Variants in ICE2 observed in about 807,000 individuals in gnomAD.
ICE2 encodes the protein little elongation complex subunit 2.
Under a neutral mutation model 105.4 loss-of-function variants are expected in ICE2, and 87 were observed. That is an observed-to-expected ratio of 0.83 (90% confidence interval 0.69 to 0.99). The LOEUF (loss-of-function observed/expected upper bound fraction) is 0.99. ICE2 is among the 50% of genes least tolerant of loss of function. The pLI is 0.00. For missense variants in ICE2, 1,323 were observed against 1,146.7 expected (o/e 1.15, Z -2.22); for synonymous variants, 399 against 392.0 (o/e 1.02, Z -0.21).
At chr15:60,453,012 C>G in intron 9 of ICE2, 1 of 937,472 alleles carries the variant, frequency 1.1e-6, no homozygotes, top group Non-Finnish European at 1.3e-6. Context: ...GGGTGGATCA[C>G]CTGAAGTCAG....
intron 9 of ICE2, among the ~76,000 whole-genome samples, chr15:60,450,616 TA>T (rs2063943097): frequency 6.6e-6 from 1 of 152,196 alleles, no homozygotes; most frequent in African/African-American, 2.4e-5. Context: ...CCACTAGCCT[TA>T]CAGTTGAGGA....
intron 5 of ICE2, among the ~76,000 whole-genome samples, chr15:60,466,148 G>C (rs1427432792): frequency 6.6e-6 from 1 of 152,180 alleles, no homozygotes; most frequent in Non-Finnish European, 1.5e-5. Flanking sequence ...AAATTTGCAT[G>C]AATGAGTGAA....
intron 5 of ICE2, among the ~76,000 whole-genome samples, chr15:60,458,003 A>C (rs1005604565): frequency 8.5e-5 from 13 of 152,196 alleles, no homozygotes; most frequent in Admixed American, 5.2e-4. Context: ...TTGGCACATC[A>C]TTCCTGGTAA....
At chr15:60,441,898 A>C (rs2063728005) in intron 12 of ICE2, 1 of 152,264 alleles carries the variant, frequency 6.6e-6, no homozygotes, top group Non-Finnish European at 1.5e-5. Context: ...ATTATAAGAA[A>C]ATTTCAAAAT....
At position 60,456,753 on chromosome 15, in the gene ICE2, T is replaced by A. The variant is rs757590686; in HGVS notation, c.570A>T (p.Ser190=). The stretch of plus-strand genomic sequence containing the variant: ...TGACCTCGTGGAGAGTATAGAATTC[T>A]GAATACTTTTTCACTTGTTCAATGC... ...RACIEQVKKY[S]EFYTLHEVTS... The change falls in exon 6 of 16, where the codon TCA becomes TCT. Residue 190 remains serine (S), a synonymous_variant. Transcript: ENST00000261520. 6.5e-7 allele frequency: 1 copy of A among 1,538,394 alleles called. No individual in the cohort carries two copies. The highest frequency in any genetic ancestry group is 8.7e-7 in the Non-Finnish European group (1 of 1,142,878).
At position 60,453,723 on chromosome 15, in the gene ICE2, C is replaced by T. The variant is rs2064024843; in HGVS notation, c.1005G>A (p.Met335Ile). Residue 335 changes from methionine (M) to isoleucine (I), a missense_variant, in exon 9 of 16, where the codon ATG becomes ATA. Met to Ile is a conservative substitution (Grantham distance 10). Coordinates refer to ENST00000261520, the MANE Select transcript of ICE2 (RefSeq NM_024611.6). ...CATGAAAGATTTGATTTCTCTCTCT[C>T]ATAGTCATTTTCTTTTGGGGAAGTG... is the stretch of plus-strand genomic sequence containing the variant. ...NSPLPQKKMT[M>I]RERNQIFHEV... The T allele has an allele frequency of 6.2e-7, 1 of 1,606,776 alleles. No homozygotes were observed. The highest frequency in any genetic ancestry group is 8.5e-7 in the Non-Finnish European group (1 of 1,173,598).
chr15:60,478,809 G>A (rs1240754667), intron 1 of ICE2, 194 bp downstream of exon 1: 2 of 374,810 alleles, frequency 5.3e-6, no homozygotes, highest in East Asian at 7.8e-5. Flanking sequence ...GGGACGCAAA[G>A]AGAGGGGAAA....
intron 15 of ICE2, among the ~76,000 whole-genome samples, chr15:60,424,863 T>C (rs1013601853): frequency 6.6e-6 from 1 of 152,218 alleles, no homozygotes; most frequent in Non-Finnish European, 1.5e-5. Flanking sequence ...AAAGATGTGA[T>C]CTATAAAAAC....
chr15:60,449,738 G>C lies in ICE2; in HGVS notation c.1229C>G (p.Thr410Ser). Reference sequence around the variant, plus strand: ...ACTTGGTGATTTTGATACTTTGGTGGTGGTTACTCCAAAAGTTTCAAGTTC... The same window carrying C: ...ACTTGGTGATTTTGATACTTTGGTGCTGGTTACTCCAAAAGTTTCAAGTTC... ...VTELETFGVT[T>S]TKVSKSPSPA... Residue 410 changes from threonine to serine, a missense_variant, in exon 10 of 16, where the codon ACC (threonine) becomes AGC (serine). Transcript: ENST00000261520. 1 of 1,614,084 alleles carries C rather than the reference G, an allele frequency of 6.2e-7. No individual in the cohort carries two copies. The highest frequency in any genetic ancestry group is 8.5e-7 in the Non-Finnish European group (1 of 1,179,994).
chr15:60,464,885 C>T (rs2064378997), intron 5 of ICE2, among the ~76,000 whole-genome samples: 1 of 152,124 alleles, frequency 6.6e-6, no homozygotes, highest in Non-Finnish European at 1.5e-5. Context: ...ATGCCCATGT[C>T]CTTGTTATTC....
rs754541268 is a variant in ICE2 at position 60,449,576 on chromosome 15, A to G, written c.1391T>C (p.Leu464Ser). ...RSLSQILMEQ[L>S]QKEKQLVTGM... ...AGTGACCAGCTGTTTCTCCTTTTGC[A>G]ATTGTTCCATCAGAATCTGAGATAA... The change falls in exon 10 of 16, where the codon TTG becomes TCG. Residue 464 changes from leucine to serine, a missense_variant. Physicochemically the swap from Leu to Ser is moderately radical, Grantham distance 145. Transcript: ENST00000261520. 6.2e-7 allele frequency: 1 copy of G among 1,614,150 alleles called. No individual in the cohort carries two copies. Among genetic ancestry groups the G allele is most frequent in the East Asian group, 2.2e-5 (1 of 44,888 alleles).
At chr15:60,431,395 A>G (rs1566969850) in intron 14 of ICE2, among the ~76,000 whole-genome samples, 1 of 152,102 alleles carries the variant, frequency 6.6e-6, no homozygotes. Flanking sequence ...GAACCTTATA[A>G]AAGGGAGGCA....
chr15:60,449,339 T>C lies in ICE2; in HGVS notation c.1628A>G (p.Asn543Ser), dbSNP rs768234270. 6.2e-6 allele frequency: 10 copies of C among 1,613,184 alleles called. No homozygotes were observed. Among genetic ancestry groups the C allele is most frequent in the Non-Finnish European group, 8.5e-6 (10 of 1,180,002 alleles). ...TGAGTTGTCTAGGTTTTCTAGAACATTAGGTCTTTCACCATCAGCATGTAA... is the reference window on the plus strand; with the variant it reads ...TGAGTTGTCTAGGTTTTCTAGAACACTAGGTCTTTCACCATCAGCATGTAA... ...DILHADGERPNVLENLDNSKE... is the reference protein window; with the variant it reads ...DILHADGERPSVLENLDNSKE... Residue 543 changes from asparagine to serine, a missense_variant, in exon 10 of 16, where the codon AAT (asparagine) becomes AGT (serine). Asn to Ser is a conservative substitution (Grantham distance 46). Transcript: ENST00000261520.
intron 14 of ICE2, among the ~76,000 whole-genome samples, chr15:60,430,883 T>TC (rs2063442015): frequency 6.6e-6 from 1 of 151,622 alleles, no homozygotes; most frequent in Non-Finnish European, 1.5e-5. Flanking sequence ...CTCTATGTTC[T>TC]TTTTTTTTCT....
rs1259391947 is a variant in ICE2, at chr15:60,453,911, A to G, written c.944-127T>C. The stretch of plus-strand genomic sequence containing the variant: ...AGGAGAATGGCAGCACATGTCCCAT[A>G]TATTTGCTACCCTTAGACTAGCAGA... On this transcript the variant is annotated intron_variant, in intron 8 of 15. Transcript: ENST00000261520. The G allele has an allele frequency of 7.0e-6, 5 of 718,588 alleles. No individual in the cohort carries two copies. In the East Asian group the frequency reaches 1.0e-4, roughly 15 times the overall value. 44.5% of individuals were successfully genotyped at this position (718,588 alleles called of 1,614,324 possible).
chr15:60,420,621 C>T lies in ICE2; in HGVS notation c.*3013G>A, dbSNP rs2063233618. On this transcript the variant is annotated 3_prime_UTR_variant, in exon 16 of 16. Coordinates refer to ENST00000261520, the MANE Select transcript of ICE2 (RefSeq NM_024611.6). ...CCATGTTCATAGCCTATAATCTCTC[C>T]AACTTTCACCTTTTCATAGGCTGCT... The T allele has an allele frequency of 6.6e-6, 1 of 152,140 alleles. No homozygotes were observed. 9.4% of individuals were successfully genotyped at this position (152,140 alleles called of 1,614,324 possible). A position where few individuals can be genotyped will look rare whatever the true frequency, so the allele number is the denominator to read the frequency against.
chr15:60,456,421 GTAATT>G (rs1364618150), intron 6 of ICE2, among the ~76,000 whole-genome samples: 1 of 149,640 alleles, frequency 6.7e-6, no homozygotes, highest in East Asian at 2.0e-4. Context: ...GCAGGCGCCT[GTAATT>G]CCAGCTACTT....
intron 15 of ICE2, among the ~76,000 whole-genome samples, chr15:60,425,824 A>G (rs1235951982): frequency 6.6e-6 from 1 of 152,198 alleles, no homozygotes; most frequent in Admixed American, 6.5e-5. Context: ...TTGCACTTAG[A>G]TTGGTTGGGA....
chr15:60,430,692 T>C (rs143763661), intron 14 of ICE2, among the ~76,000 whole-genome samples: 9 of 152,306 alleles, frequency 5.9e-5, no homozygotes, highest in South Asian at 2.1e-4. Context: ...AGTTAGATAA[T>C]AGAATTCTTC....
Sources: gnomAD v4.1 joint callset for allele counts (sites outside exome capture counted in the v4.1 genomes callset) on GRCh38, gnomAD v4.1.1 for gene constraint, MANE v1.5 for transcripts, NCBI Gene and HGNC (gene_info 2026-07-23, HGNC 2026-07-21) for gene names.